The following SH3TC2 variants were observed in gnomAD, a reference collection of about 807,000 sequenced individuals.
SH3TC2 encodes the protein SH3 domain and tetratricopeptide repeats 2.
A neutral mutation model predicts 124.5 loss-of-function variants in SH3TC2; 87 were observed. The ratio of observed to expected loss-of-function variants is 0.70; its 90% CI spans 0.59 to 0.84. SH3TC2 has a LOEUF of 0.84. Among genes scored for constraint, SH3TC2 ranks in the 40% least tolerant of loss-of-function variants. The probability of loss-of-function intolerance (pLI) is 0.00; values close to 1 mark genes in which losing one functional copy is unlikely to be tolerated. For synonymous variants in SH3TC2, 634 were observed against 628.5 expected (o/e 1.01, Z -0.13); for missense variants, 1,536 against 1,566.4 (o/e 0.98, Z 0.33).
intron 8 of SH3TC2, 58 bp downstream of exon 8, chr5:149,038,237 G>A (rs1420327226): frequency 6.4e-7 from 1 of 1,573,676 alleles, no homozygotes; most frequent in African/African-American, 1.4e-5. Flanking sequence ...CTCAAAGAGG[G>A]GAGGGAACCC....
At chr5:149,015,488 G>A (rs1753855917) in intron 12 of SH3TC2, among the ~76,000 whole-genome samples, 1 of 152,200 alleles carries the variant, frequency 6.6e-6, no homozygotes, top group Non-Finnish European at 1.5e-5. Context: ...AGCACTGCTG[G>A]TGGGCCAGCA....
intron 12 of SH3TC2, 38 bp downstream of exon 12, chr5:149,026,534 G>A: frequency 1.2e-6 from 2 of 1,611,324 alleles, no homozygotes; most frequent in Non-Finnish European, 1.7e-6. Flanking sequence ...CTTAAGGAAG[G>A]AAAGCTGCTT....
intron 12 of SH3TC2, among the ~76,000 whole-genome samples, chr5:149,020,111 C>T (rs1020541191): frequency 1.4e-4 from 13 of 91,112 alleles, no homozygotes; most frequent in African/African-American, 4.2e-4. Context: ...AAGAAAAGGT[C>T]AAACACACAC....
chr5:149,039,243 C>T (rs1481123900), intron 7 of SH3TC2, among the ~76,000 whole-genome samples: 1 of 152,188 alleles, frequency 6.6e-6, no homozygotes, highest in African/African-American at 2.4e-5. Flanking sequence ...GTACAATTTG[C>T]ACTCACTTTC....
rs1408977694 is a variant in SH3TC2, at chr5:148,996,836, G to C, written c.*7875C>G. ...GATCATGTTTAACTATGGTCCGCTA[G>C]ATTTGGAAGGTTAAAATAAAAGACA... is the stretch of plus-strand genomic sequence containing the variant. On this transcript the variant is annotated 3_prime_UTR_variant, in exon 17 of 17. Coordinates refer to ENST00000515425, the MANE Select transcript of SH3TC2 (RefSeq NM_024577.4). Among the ~76,000 whole-genome samples the C allele has an allele frequency of 6.6e-6, 1 of 152,194 alleles. No homozygotes were observed. Among genetic ancestry groups the C allele is most frequent in the Non-Finnish European group, 1.5e-5 (1 of 68,032 alleles).
chr5:149,004,651 C>T lies in SH3TC2; in HGVS notation c.*60G>A. The stretch of plus-strand genomic sequence containing the variant: ...GACCCTCCCAATGAGTATTTAAGAG[C>T]CTAGGGCAGTGGGGTCAGAGTCTGG... On this transcript the variant is annotated 3_prime_UTR_variant, in exon 17 of 17. Transcript: ENST00000515425. The T allele has an allele frequency of 6.3e-7, 1 of 1,584,086 alleles. No individual in the cohort carries two copies. Among genetic ancestry groups the T allele is most frequent in the South Asian group, 1.1e-5 (1 of 87,810 alleles).
intron 15 of SH3TC2, chr5:149,008,405 G>T (rs1753726891): frequency 4.3e-6 from 1 of 229,978 alleles, no homozygotes; most frequent in Non-Finnish European, 8.7e-6. Flanking sequence ...ATGGGAAAAT[G>T]CACTTTTAAC....
intron 1 of SH3TC2, among the ~76,000 whole-genome samples, chr5:149,054,752 T>C (rs1377222702): frequency 6.6e-6 from 1 of 152,214 alleles, no homozygotes; most frequent in Non-Finnish European, 1.5e-5. Context: ...AGGGCATTTG[T>C]TCTCCAGCCA....
At chr5:149,016,315 G>C (rs1292853555) in intron 12 of SH3TC2, among the ~76,000 whole-genome samples, 1 of 152,182 alleles carries the variant, frequency 6.6e-6, no homozygotes, top group Non-Finnish European at 1.5e-5. Context: ...CCCTCCAGCA[G>C]TGCCGAATTT....
chr5:149,048,123 G>A (rs1754498383), intron 2 of SH3TC2, 134 bp from the exon 3 acceptor site: 4 of 1,302,366 alleles, frequency 3.1e-6, no homozygotes, highest in South Asian at 1.2e-5. Flanking sequence ...ACAGATTAGA[G>A]TGGTCTTAAC....
rs1753329622 is a variant in SH3TC2, at chr5:148,986,162, G to A, written c.*18549C>T. On this transcript the variant is annotated 3_prime_UTR_variant, in exon 17 of 17. Transcript: ENST00000515425. ...TATTTTACTGCCCGTGTGAACTTGG[G>A]TATGTTACATAACTGCCTTAAACCA... Among the ~76,000 whole-genome samples, 1 of 152,126 alleles carries A rather than the reference G, an allele frequency of 6.6e-6. No individual in the cohort carries two copies. Among genetic ancestry groups the A allele is most frequent in the Admixed American group, 6.6e-5 (1 of 15,258 alleles).
At position 148,990,314 on chromosome 5, in the gene SH3TC2, T is replaced by G. The variant is rs1753401888; in HGVS notation, c.*14397A>C. Among the ~76,000 whole-genome samples, 1 of 152,068 alleles carries G rather than the reference T, an allele frequency of 6.6e-6. No homozygotes were observed. The highest frequency in any genetic ancestry group is 2.1e-4 in the South Asian group (1 of 4,830). On this transcript the variant is annotated 3_prime_UTR_variant, in exon 17 of 17. Transcript: ENST00000515425. ...GATATATGCCTCTCTGAGCCTTAGT[T>G]TCCTTAGTTTGCTGTAAATGTTCAC...
chr5:149,001,203 C>T lies in SH3TC2; in HGVS notation c.*3508G>A, dbSNP rs952651743. 6.6e-6 allele frequency: 1 copy of T among 151,790 alleles called. No individual in the cohort carries two copies. The highest frequency in any genetic ancestry group is 2.4e-5 in the African/African-American group (1 of 41,280). The allele number at this position is 151,790 out of a possible 1,614,324, so 9.4% of individuals were successfully genotyped here. A position where few individuals can be genotyped will look rare whatever the true frequency, so the allele number is the denominator to read the frequency against. On this transcript the variant is annotated 3_prime_UTR_variant, in exon 17 of 17. Transcript: ENST00000515425. ...ACACATACATATATATACACATGCA[C>T]AATATAAAGGCATCTTAAAATAATG...
intron 2 of SH3TC2, among the ~76,000 whole-genome samples, chr5:149,050,193 GA>G (rs1259606948): frequency 6.6e-6 from 1 of 152,222 alleles, no homozygotes; most frequent in African/African-American, 2.4e-5. Context: ...ACTTAGAGCA[GA>G]ACCCCTGTGC....
At chr5:149,014,946 T>C (rs1753846457) in intron 12 of SH3TC2, among the ~76,000 whole-genome samples, 1 of 152,200 alleles carries the variant, frequency 6.6e-6, no homozygotes. Context: ...TTTTTTATGT[T>C]CCCATTTACT....
At chr5:149,048,314 T>C (rs1754502257) in intron 2 of SH3TC2, among the ~76,000 whole-genome samples, 1 of 152,200 alleles carries the variant, frequency 6.6e-6, no homozygotes, top group Admixed American at 6.5e-5. Context: ...AGCTAGGACA[T>C]ACATCACTCC....
chr5:149,004,817 C>T lies in SH3TC2; in HGVS notation c.3761G>A (p.Arg1254Lys), dbSNP rs1229941957. 17 of 1,614,048 alleles carry T rather than the reference C, an allele frequency of 1.1e-5. No homozygotes were observed. Among genetic ancestry groups the T allele is most frequent in the Non-Finnish European group, 1.4e-5 (17 of 1,180,042 alleles). ...CTGGCAGATGTTGTCCAGCCTGCTC[C>T]TAATGGTGTCCTGAAGCTCCTCATC... ...LGDEELQDTIRSRLDNICQSP... is the reference protein window; with the variant it reads ...LGDEELQDTIKSRLDNICQSP... Residue 1254 changes from arginine (R) to lysine (K), a missense_variant, in exon 17 of 17, where the codon AGG becomes AAG. Physicochemically the swap from Arg to Lys is conservative, Grantham distance 26. This residue lies in a region of SH3TC2 where 426 missense variants were observed against 443.5 expected (regional missense o/e 0.96). Transcript: ENST00000515425.
At chr5:149,010,518 A>C in intron 13 of SH3TC2, 126 bp from the exon 14 acceptor site, 1 of 1,298,634 alleles carries the variant, frequency 7.7e-7, no homozygotes, top group Non-Finnish European at 1.1e-6. Context: ...CCAAATCCTA[A>C]ATGTCTTCAC....
At chr5:149,052,834 G>A (rs1418324165) in intron 1 of SH3TC2, among the ~76,000 whole-genome samples, 2 of 152,200 alleles carry the variant, frequency 1.3e-5, no homozygotes, top group African/African-American at 4.8e-5. Context: ...GGCTGGGGAG[G>A]AGGAAACTTT....
Sources: allele counts gnomAD v4.1 joint callset (sites outside exome capture counted in the v4.1 genomes callset), GRCh38; gene constraint gnomAD v4.1.1; regional missense constraint gnomAD v4.1.1; transcripts MANE v1.5; gene names NCBI Gene and HGNC (gene_info 2026-07-23, HGNC 2026-07-21).